PRKCA: variants seen among roughly 807,000 people sequenced by gnomAD.
PRKCA encodes the protein protein kinase C alpha, also known as protein kinase C alpha type.
A neutral mutation model predicts 87.0 loss-of-function variants in PRKCA; 27 were observed. That is an observed-to-expected ratio of 0.31 (90% CI 0.23 to 0.43). The LOEUF (loss-of-function observed/expected upper bound fraction) is 0.43. Ranked by LOEUF, PRKCA falls within the 20% of genes least tolerant of loss-of-function variation. PRKCA has a pLI of 1.00. For synonymous variants in PRKCA, 329 were observed against 311.1 expected, an observed-to-expected ratio of 1.06 and a Z score of -0.61; for missense variants, 518 against 852.3, an observed-to-expected ratio of 0.61 and a Z score of 4.88.
intron 2 of PRKCA, among the ~76,000 whole-genome samples, chr17:66,440,990 G>A (rs1913709444): frequency 6.6e-6 from 1 of 151,760 alleles, no homozygotes; most frequent in Non-Finnish European, 1.5e-5. Context: ...GGTGAACCCT[G>A]TCTCTACTAA....
At position 66,788,936 on chromosome 17, in the gene PRKCA, A is replaced by C. The variant is rs1157251571; in HGVS notation, c.1811A>C (p.Lys604Thr). 1 of 1,613,976 alleles carries C rather than the reference A, an allele frequency of 6.2e-7. No individual in the cohort carries two copies. The change falls in exon 16 of 17, where the codon AAA becomes ACA. Residue 604 changes from lysine to threonine, a missense_variant. Around this residue, in one of 5 missense-constraint regions of PRKCA, gnomAD observed 159 missense variants for 232.4 expected, o/e 0.68. Coordinates refer to ENST00000413366, the MANE Select transcript of PRKCA (RefSeq NM_002737.3). ...HAFFRRIDWE[K>T]LENREIQPPF... ...TTCTTCCGGAGGATCGACTGGGAAA[A>C]ACTGGAGAACAGGGAGATCCAGCCA...
chr17:66,510,111 A>G (rs1015016502), intron 3 of PRKCA, among the ~76,000 whole-genome samples: 1 of 152,156 alleles, frequency 6.6e-6, no homozygotes, highest in Non-Finnish European at 1.5e-5. Context: ...AAGGGGCTTT[A>G]CTGGCCCAAC....
At chr17:66,500,550 A>C (rs1464457693) in intron 3 of PRKCA, among the ~76,000 whole-genome samples, 3 of 152,228 alleles carry the variant, frequency 2.0e-5, no homozygotes, top group Non-Finnish European at 2.9e-5. Context: ...TTTGTGGATG[A>C]GGAGACAACT....
At chr17:66,324,877 A>G (rs1172240723) in intron 2 of PRKCA, among the ~76,000 whole-genome samples, 2 of 152,204 alleles carry the variant, frequency 1.3e-5, no homozygotes, top group African/African-American at 4.8e-5. Flanking sequence ...TTAGGGCTCC[A>G]GTGGCCATTA....
chr17:66,673,968 C>T (rs1311635485), intron 5 of PRKCA, among the ~76,000 whole-genome samples: 1 of 152,178 alleles, frequency 6.6e-6, no homozygotes, highest in Non-Finnish European at 1.5e-5. Flanking sequence ...CGTGAAAAGG[C>T]CTGGGTGGTT....
rs914108749 is a variant in PRKCA at position 66,792,576 on chromosome 17, C to T, written c.1854+3597C>T. On this transcript the variant is annotated intron_variant, in intron 16 of 16. Coordinates refer to ENST00000413366, the MANE Select transcript of PRKCA (RefSeq NM_002737.3). This position sits in a 1 kb window ranked among gnomAD's most constrained non-coding sequence, Gnocchi z 4.5. ...TTAGACCGCAGTGCCATGCAAAATG[C>T]GATCCCAGCGCAAAAAGCATCTCAC... Among the ~76,000 whole-genome samples the T allele has an allele frequency of 3.3e-5, 5 of 152,164 alleles. No homozygotes were observed. The South Asian group carries it at 6.2e-4, about 19-fold the overall frequency.
intron 2 of PRKCA, among the ~76,000 whole-genome samples, chr17:66,455,075 AG>A (rs1460624490): frequency 1.3e-5 from 2 of 152,230 alleles, no homozygotes; most frequent in Non-Finnish European, 2.9e-5. Context: ...ACGCAGCTAT[AG>A]GTCTGGACTT....
intron 2 of PRKCA, among the ~76,000 whole-genome samples, chr17:66,453,445 G>A (rs1914426320): frequency 6.6e-6 from 1 of 151,880 alleles, no homozygotes. Flanking sequence ...AGCCTCCTAA[G>A]TAGCTGAGAT....
In PRKCA at chr17:66,472,870, C is replaced by T. The variant is rs147807272; in HGVS notation, c.206-23331C>T. ...AAGAGACCATAGCTTTTTTTGCCTC[C>T]GACCGAACTTGCCTAATTTGTGGAG... On this transcript the variant is annotated intron_variant, in intron 2 of 16. Transcript: ENST00000413366. Among the ~76,000 whole-genome samples, 107 of 152,038 alleles carry T rather than the reference C, an allele frequency of 7.0e-4. 1 individual carries two copies. The East Asian group carries it at 0.016, about 23-fold the overall frequency.
rs576017230 is a variant in PRKCA at position 66,686,537 on chromosome 17, T to C, written c.530-574T>C. Among the ~76,000 whole-genome samples, 62 of 152,330 alleles carry C rather than the reference T, an allele frequency of 4.1e-4. No individual in the cohort carries two copies. In the South Asian group the frequency reaches 0.012, roughly 30 times the overall value. The stretch of plus-strand genomic sequence containing the variant: ...AAAACGAATACTTGAGCCACATTCC[T>C]TGGAGATTCTAGTTTAATTCTGGGG... On this transcript the variant is annotated intron_variant, in intron 5 of 16. Transcript: ENST00000413366.
At chr17:66,338,114 C>G (rs555351079) in intron 2 of PRKCA, among the ~76,000 whole-genome samples, 23 of 145,500 alleles carry the variant, frequency 1.6e-4, no homozygotes, top group East Asian at 1.6e-3. Flanking sequence ...TTTCCTAAGG[C>G]ATTTTGAAAA....
At chr17:66,471,974 T>G (rs1243853961) in intron 2 of PRKCA, among the ~76,000 whole-genome samples, 1 of 152,178 alleles carries the variant, frequency 6.6e-6, no homozygotes, top group Non-Finnish European at 1.5e-5. Flanking sequence ...TTTCTTTTTG[T>G]TTTTAAGGAC....
intron 8 of PRKCA, among the ~76,000 whole-genome samples, chr17:66,714,233 C>T (rs1274441285): frequency 1.3e-5 from 2 of 151,592 alleles, no homozygotes; most frequent in African/African-American, 4.9e-5. Flanking sequence ...CCCGCTGCTT[C>T]CTTTGGGGAG....
intron 5 of PRKCA, among the ~76,000 whole-genome samples, chr17:66,654,050 C>G (rs1971663535): frequency 6.6e-6 from 1 of 152,160 alleles, no homozygotes; most frequent in Non-Finnish European, 1.5e-5. Flanking sequence ...TGGGTCCTCT[C>G]TTTTGTAGAT....
At chr17:66,342,045 C>T (rs1171015548) in intron 2 of PRKCA, among the ~76,000 whole-genome samples, 1 of 152,200 alleles carries the variant, frequency 6.6e-6, no homozygotes, top group Non-Finnish European at 1.5e-5. Flanking sequence ...GGAGCACCTG[C>T]TGCACACAGA....
chr17:66,745,269 T>C (rs7224633), intron 13 of PRKCA, among the ~76,000 whole-genome samples: 37,031 of 152,148 alleles, frequency 0.24, 5,130 homozygotes, highest in Middle Eastern at 0.33. Context: ...GAATACTCTG[T>C]TCTTGCTCTA....
At chr17:66,325,849 T>C (rs1313543742) in intron 2 of PRKCA, among the ~76,000 whole-genome samples, 1 of 152,152 alleles carries the variant, frequency 6.6e-6, no homozygotes, top group African/African-American at 2.4e-5. Context: ...TTAAAATGAT[T>C]TCCTTTCCTG....
chr17:66,391,808 A>G (rs571030060), intron 2 of PRKCA, among the ~76,000 whole-genome samples: 88 of 152,032 alleles, frequency 5.8e-4, no homozygotes, highest in Non-Finnish European at 1.1e-3. Flanking sequence ...CACTCTGTCT[A>G]TCTCCCTCCC....
chr17:66,738,687 AAC>A, intron 10 of PRKCA, 75 bp from the exon 11 acceptor site: 1 of 1,186,896 alleles, frequency 8.4e-7, no homozygotes. Context: ...GAGAAAGCAA[AAC>A]ACAACCTGTG....
Sources: gnomAD v4.1 joint callset for allele counts (sites outside exome capture counted in the v4.1 genomes callset) on GRCh38, gnomAD v4.1.1 for gene constraint, gnomAD v4.1.1 regional missense constraint, Gnocchi (gnomAD v3.1) non-coding constraint, MANE v1.5 for transcripts, NCBI Gene and HGNC (gene_info 2026-07-23, HGNC 2026-07-21) for gene names.